NDUFAF6: variants seen among roughly 807,000 people sequenced by gnomAD.
The protein encoded by NDUFAF6 is NADH dehydrogenase (ubiquinone) complex I, assembly factor 6.
In NDUFAF6, 45 loss-of-function variants were observed where a neutral mutation model predicts 40.8. That is an observed-to-expected ratio of 1.10 (90% CI 0.87 to 1.42). The LOEUF is 1.42. Among genes scored for constraint, NDUFAF6 ranks in the 40% most tolerant of loss-of-function variants. The pLI is 0.00. For synonymous variants in NDUFAF6, 185 were observed against 155.9 expected (o/e 1.19, Z -1.39); for missense variants, 435 against 418.5 (o/e 1.04, Z -0.34).
intron 2 of NDUFAF6, chr8:94,989,356 C>G (rs1270468655): frequency 6.6e-6 from 1 of 152,136 alleles, no homozygotes; most frequent in Non-Finnish European, 1.5e-5. Context: ...GTTGGCATTT[C>G]TATAAACCAG....
intron 9 of NDUFAF6, among the ~76,000 whole-genome samples, chr8:95,074,904 CCAAATT>C (rs1832985643): frequency 6.6e-6 from 1 of 152,178 alleles, no homozygotes; most frequent in Admixed American, 6.5e-5. Context: ...TTTGCAAACT[CCAAATT>C]CCTTCTTTTA....
intron 1 of NDUFAF6, among the ~76,000 whole-genome samples, chr8:95,030,747 A>G (rs1218082537): frequency 1.3e-5 from 2 of 152,142 alleles, no homozygotes; most frequent in Non-Finnish European, 2.9e-5. Flanking sequence ...TCTGTTTTGC[A>G]TTGTTATAAA....
downstream of NDUFAF6, among the ~76,000 whole-genome samples, chr8:95,104,880 C>T (rs1039348178): frequency 1.2e-4 from 18 of 152,112 alleles, no homozygotes; most frequent in African/African-American, 4.1e-4. Context: ...CTGCGGCAGC[C>T]AGAGTTTCTC....
At chr8:94,918,438 C>T (rs1431684692) in intron 1 of NDUFAF6, among the ~76,000 whole-genome samples, 3 of 152,166 alleles carry the variant, frequency 2.0e-5, no homozygotes, top group Admixed American at 6.5e-5. Context: ...TGATCACAGA[C>T]AATCCTGGTC....
At chr8:94,908,200 T>C (rs1818516352) in intron 1 of NDUFAF6, among the ~76,000 whole-genome samples, 1 of 152,202 alleles carries the variant, frequency 6.6e-6, no homozygotes, top group South Asian at 2.1e-4. Context: ...TGGCCAGTGT[T>C]GGACAGTAAA....
At chr8:94,932,036 A>G (rs1181276564) in intron 1 of NDUFAF6, 5 of 1,598,492 alleles carry the variant, frequency 3.1e-6, no homozygotes, top group Non-Finnish European at 4.3e-6. Flanking sequence ...CTATGCATAC[A>G]TATATCACAC....
At chr8:95,018,439 T>C (rs1827558267) in intron 2 of NDUFAF6, among the ~76,000 whole-genome samples, 1 of 152,172 alleles carries the variant, frequency 6.6e-6, no homozygotes, top group South Asian at 2.1e-4. Flanking sequence ...CATTCATTCA[T>C]CCATTAACTT....
chr8:95,060,631 A>G (rs553171408), downstream of NDUFAF6, among the ~76,000 whole-genome samples: 2 of 152,336 alleles, frequency 1.3e-5, no homozygotes, highest in South Asian at 4.1e-4. Flanking sequence ...TCCAAATGAT[A>G]AAACAGTCTC....
chr8:94,946,523 A>T (rs1030385040), intron 2 of NDUFAF6, among the ~76,000 whole-genome samples: 2 of 151,700 alleles, frequency 1.3e-5, no homozygotes, highest in African/African-American at 2.4e-5. Context: ...CAACAAAGCA[A>T]GACCCCATCT....
intron 2 of NDUFAF6, chr8:95,087,636 T>C (rs1809093879): frequency 6.6e-6 from 1 of 152,268 alleles, no homozygotes; most frequent in Admixed American, 6.5e-5. Context: ...CATTTAATGA[T>C]ATTTCTCACC....
downstream of NDUFAF6, among the ~76,000 whole-genome samples, chr8:95,107,359 T>TCAG (rs935413334): frequency 7.2e-5 from 11 of 152,182 alleles, no homozygotes; most frequent in African/African-American, 2.4e-4. Context: ...ACCATCATTC[T>TCAG]CAGCAAGCTA....
At chr8:94,942,907 C>T (rs1361909736) in intron 1 of NDUFAF6, among the ~76,000 whole-genome samples, 7 of 152,166 alleles carry the variant, frequency 4.6e-5, no homozygotes, top group Non-Finnish European at 1.5e-5. Flanking sequence ...GAACCAGGTC[C>T]TGCAGGGCCT....
At chr8:94,949,068 G>A (rs1465215168) in intron 2 of NDUFAF6, 1 of 148,232 alleles carries the variant, frequency 6.7e-6, no homozygotes, top group African/African-American at 2.4e-5. Context: ...CGGCCCCGCC[G>A]GGCTCAGGAG....
intron 9 of NDUFAF6, among the ~76,000 whole-genome samples, chr8:95,073,883 T>C (rs1348605397): frequency 6.6e-6 from 1 of 152,192 alleles, no homozygotes; most frequent in Non-Finnish European, 1.5e-5. Flanking sequence ...TCAAATCAAC[T>C]GCTTTTAATG....
chr8:95,052,209 A>T lies in NDUFAF6; in HGVS notation c.852A>T (p.Ala284=). Residue 284 remains alanine (A), a synonymous_variant, in exon 8 of 9, where the codon GCA becomes GCT. Transcript: ENST00000396124. ...TTCACAAAACTGTTCCTGTGAAAGC[A>T]TTTCCTGCTTTTCTTCAGACGGTAA... ...RSFHKTVPVK[A]FPAFLQTVSL... is the part of the protein sequence containing the mutation. 6.2e-7 allele frequency: 1 copy of T among 1,614,110 alleles called. No homozygotes were observed. Among genetic ancestry groups the T allele is most frequent in the Non-Finnish European group, 8.5e-7 (1 of 1,180,000 alleles).
chr8:95,097,693 C>A (rs1486253993), upstream of NDUFAF6, among the ~76,000 whole-genome samples: 2 of 152,118 alleles, frequency 1.3e-5, no homozygotes, highest in Admixed American at 1.3e-4. Context: ...GAGTGAAACT[C>A]CATCTCAAAA....
At chr8:95,052,798 G>A (rs1831594260) in intron 8 of NDUFAF6, among the ~76,000 whole-genome samples, 1 of 152,114 alleles carries the variant, frequency 6.6e-6, no homozygotes. Flanking sequence ...CAGTTCCTAG[G>A]AGAATCTGTG....
chr8:95,043,086 CT>C (rs113805309), intron 4 of NDUFAF6, among the ~76,000 whole-genome samples: 2,102 of 132,524 alleles, frequency 0.016, 32 homozygotes, highest in African/African-American at 0.049. Context: ...GCAGTGGTTT[CT>C]TTTTTTTTTT....
chr8:94,906,366 T>C (rs1294420987), intron 1 of NDUFAF6, among the ~76,000 whole-genome samples: 1 of 152,138 alleles, frequency 6.6e-6, no homozygotes, highest in African/African-American at 2.4e-5. Context: ...TTCCATGTGG[T>C]AGCTGTTGTT....
Sources: allele counts gnomAD v4.1 joint callset (sites outside exome capture counted in the v4.1 genomes callset), GRCh38; gene constraint gnomAD v4.1.1; transcripts MANE v1.5; gene names NCBI Gene and HGNC (gene_info 2026-07-23, HGNC 2026-07-21).